Variants in SPEF2 observed in about 807,000 individuals in gnomAD.
SPEF2 encodes sperm flagellar and cilia associated 2.
In SPEF2, 187 loss-of-function variants were observed where a neutral mutation model predicts 224.6. The observed-to-expected ratio is 0.83, with a 90% CI of 0.74 to 0.94. The LOEUF (loss-of-function observed/expected upper bound fraction) is 0.94, where lower values mean the gene tolerates loss of function less well. Among genes scored for constraint, SPEF2 ranks in the 40% least tolerant of loss-of-function variants. The probability of loss-of-function intolerance (pLI) is 0.00; values close to 1 mark genes in which losing one functional copy is unlikely to be tolerated. For synonymous variants in SPEF2, 715 were observed against 707.3 expected, an observed-to-expected ratio of 1.01 and a Z score of -0.17; for missense variants, 2,170 against 2,135.6, an observed-to-expected ratio of 1.02 and a Z score of -0.32.
intron 30 of SPEF2, chr5:35,789,176 G>T: frequency 1.4e-6 from 1 of 702,958 alleles, no homozygotes; most frequent in South Asian, 1.5e-5. Context: ...AGGCAAAAGT[G>T]ACACCAGTCA....
At chr5:35,624,641 C>T (rs996079915) in intron 1 of SPEF2, among the ~76,000 whole-genome samples, 1 of 151,802 alleles carries the variant, frequency 6.6e-6, no homozygotes, top group Non-Finnish European at 1.5e-5. Flanking sequence ...TCCTATATGT[C>T]TTCTTTTATT....
At chr5:35,739,195 T>C (rs1402300088) in intron 21 of SPEF2, among the ~76,000 whole-genome samples, 3 of 152,190 alleles carry the variant, frequency 2.0e-5, no homozygotes, top group Non-Finnish European at 2.9e-5. Flanking sequence ...CTTCTTATAA[T>C]GGTAAACAAG....
chr5:35,697,328 G>A (rs1397233240), intron 14 of SPEF2, among the ~76,000 whole-genome samples: 1 of 152,172 alleles, frequency 6.6e-6, no homozygotes, highest in African/African-American at 2.4e-5. Flanking sequence ...GAACTTCACT[G>A]GTCAAGGGCC....
chr5:35,742,365 T>G (rs1747785001), intron 23 of SPEF2, among the ~76,000 whole-genome samples: 1 of 152,126 alleles, frequency 6.6e-6, no homozygotes, highest in Non-Finnish European at 1.5e-5. Flanking sequence ...AAGATTATGC[T>G]TATTTTTAAG....
intron 1 of SPEF2, among the ~76,000 whole-genome samples, chr5:35,628,051 G>A (rs1444922494): frequency 6.6e-6 from 1 of 152,150 alleles, no homozygotes; most frequent in Non-Finnish European, 1.5e-5. Flanking sequence ...AAAGAAGTTA[G>A]CTTTCATCTC....
At chr5:35,738,479 C>G (rs932066772) in intron 21 of SPEF2, among the ~76,000 whole-genome samples, 10 of 150,996 alleles carry the variant, frequency 6.6e-5, no homozygotes, top group African/African-American at 2.4e-4. Flanking sequence ...GAATCCTTTC[C>G]CCATTGCTTG....
intron 18 of SPEF2, among the ~76,000 whole-genome samples, chr5:35,706,951 G>A (rs1227985856): frequency 2.0e-5 from 3 of 152,256 alleles, no homozygotes; most frequent in African/African-American, 4.8e-5. Flanking sequence ...TTGAAGCTAC[G>A]GGTTAGAATC....
intron 23 of SPEF2, among the ~76,000 whole-genome samples, chr5:35,753,016 A>G (rs1749902655): frequency 6.7e-6 from 1 of 150,334 alleles, no homozygotes; most frequent in Non-Finnish European, 1.5e-5. Flanking sequence ...GATACTGTTT[A>G]TTATGTATTT....
intron 32 of SPEF2, among the ~76,000 whole-genome samples, chr5:35,793,797 G>A (rs1332940743): frequency 6.6e-6 from 1 of 151,428 alleles, no homozygotes; most frequent in African/African-American, 2.4e-5. Flanking sequence ...TTTTCTTTGG[G>A]GTGAGAGGGT....
intron 23 of SPEF2, among the ~76,000 whole-genome samples, chr5:35,750,993 A>G (rs1483470675): frequency 1.5e-5 from 1 of 66,140 alleles, no homozygotes; most frequent in Admixed American, 2.2e-4. Context: ...CTATATATAT[A>G]TATGTATATA....
intron 6 of SPEF2, 104 bp from the exon 7 acceptor site, chr5:35,654,436 G>C: frequency 1.2e-6 from 1 of 867,388 alleles, no homozygotes; most frequent in Non-Finnish European, 1.7e-6. Flanking sequence ...AATTAACAGT[G>C]AACTCAAGGG....
At chr5:35,671,075 G>A (rs1486401573) in intron 10 of SPEF2, 43 of 985,240 alleles carry the variant, frequency 4.4e-5, no homozygotes, top group Non-Finnish European at 5.2e-5. Flanking sequence ...AATGAGGAGT[G>A]AGGCTTTTTA....
At chr5:35,798,855 C>A (rs1580778654) in intron 33 of SPEF2, among the ~76,000 whole-genome samples, 1 of 152,232 alleles carries the variant, frequency 6.6e-6, no homozygotes, top group African/African-American at 2.4e-5. Flanking sequence ...TCTTGGCCAC[C>A]CAAAGTGCTG....
At chr5:35,643,644 C>G in intron 3 of SPEF2, 1 of 430,574 alleles carries the variant, frequency 2.3e-6, no homozygotes. Context: ...GAGGTGATAT[C>G]ATAGGAAAGA....
At chr5:35,778,216 G>C (rs1180553297) in intron 29 of SPEF2, among the ~76,000 whole-genome samples, 1 of 152,076 alleles carries the variant, frequency 6.6e-6, no homozygotes, top group Non-Finnish European at 1.5e-5. Flanking sequence ...ATATAAACAA[G>C]ATCCTTTCTT....
intron 30 of SPEF2, among the ~76,000 whole-genome samples, chr5:35,786,864 T>C (rs999542782): frequency 1.3e-5 from 2 of 152,166 alleles, no homozygotes; most frequent in Non-Finnish European, 2.9e-5. Flanking sequence ...ATTATTTAGT[T>C]CTAGTCAGAG....
intron 10 of SPEF2, among the ~76,000 whole-genome samples, chr5:35,689,278 A>G (rs1754095005): frequency 6.6e-6 from 1 of 152,158 alleles, no homozygotes; most frequent in Non-Finnish European, 1.5e-5. Flanking sequence ...CAAATTTATT[A>G]TACTATAGTT....
At chr5:35,663,443 T>G (rs1020409392) in intron 8 of SPEF2, among the ~76,000 whole-genome samples, 1 of 152,200 alleles carries the variant, frequency 6.6e-6, no homozygotes, top group African/African-American at 2.4e-5. Flanking sequence ...GTTCCATAGC[T>G]CAACAAATGG....
intron 19 of SPEF2, 47 bp downstream of exon 19, chr5:35,709,168 T>C (rs1740602447): frequency 1.3e-6 from 2 of 1,594,724 alleles, no homozygotes; most frequent in South Asian, 2.3e-5. Context: ...TTCTTATTTT[T>C]ACTCAGTAAA....
Sources: gnomAD v4.1 joint callset for allele counts (sites outside exome capture counted in the v4.1 genomes callset) on GRCh38, gnomAD v4.1.1 for gene constraint, MANE v1.5 for transcripts, NCBI Gene and HGNC (gene_info 2026-07-23, HGNC 2026-07-21) for gene names.